Variants in OLA1 observed in about 807,000 individuals in gnomAD.
OLA1 encodes obg-like ATPase 1.
Under a neutral mutation model 48.4 loss-of-function variants are expected in OLA1, and 14 were observed. The ratio of observed to expected loss-of-function variants is 0.29; its 90% confidence interval spans 0.19 to 0.45. The LOEUF is 0.45. OLA1 is among the 20% of genes least tolerant of loss of function. The pLI, the probability that OLA1 is intolerant of heterozygous loss-of-function variation, is 1.00. For synonymous variants in OLA1, 127 were observed against 150.4 expected, an observed-to-expected ratio of 0.84 and a Z score of 1.14; for missense variants, 325 against 467.1, an observed-to-expected ratio of 0.70 and a Z score of 2.80.
At chr2:174,161,681 TAC>T (rs55713860) in intron 4 of OLA1, among the ~76,000 whole-genome samples, 37,615 of 140,882 alleles carry the variant, frequency 0.27, 5,114 homozygotes, top group Non-Finnish European at 0.3. Context: ...AAAAAAAAAA[TAC>T]ACACACACAC....
At chr2:174,228,046 C>T (rs1274267697) in intron 3 of OLA1, among the ~76,000 whole-genome samples, 1 of 152,100 alleles carries the variant, frequency 6.6e-6, no homozygotes, top group Non-Finnish European at 1.5e-5. Context: ...TGAGTTATGG[C>T]AGTCCTAAAG....
intron 2 of OLA1, among the ~76,000 whole-genome samples, chr2:174,229,867 A>G (rs559628724): frequency 5.3e-5 from 8 of 152,208 alleles, no homozygotes; most frequent in Non-Finnish European, 5.9e-5. Context: ...TGACTTTCCA[A>G]AAACTCTGAA....
intron 4 of OLA1, chr2:174,217,958 C>G (rs951068518): frequency 6.6e-6 from 1 of 152,106 alleles, no homozygotes; most frequent in Non-Finnish European, 1.5e-5. Flanking sequence ...TGAAGCTTCA[C>G]CTAGACAGCA....
chr2:174,081,422 C>A (rs1265757545), intron 8 of OLA1, among the ~76,000 whole-genome samples, 174 bp from the exon 9 acceptor site: 1 of 151,912 alleles, frequency 6.6e-6, no homozygotes, highest in Non-Finnish European at 1.5e-5. Context: ...TTTTAAAAAC[C>A]TCTCTTCTAA....
chr2:174,116,389 G>T (rs1200520786), intron 7 of OLA1, among the ~76,000 whole-genome samples: 1 of 152,132 alleles, frequency 6.6e-6, no homozygotes, highest in Non-Finnish European at 1.5e-5. Context: ...GGTCAATTTA[G>T]AATAAAGGAA....
At chr2:174,082,701 C>A (rs937418935) in intron 7 of OLA1, among the ~76,000 whole-genome samples, 2 of 152,050 alleles carry the variant, frequency 1.3e-5, no homozygotes, top group South Asian at 2.1e-4. Flanking sequence ...AATAGAACTG[C>A]AGAGGAAAGA....
rs61737496 is a variant in OLA1, at chr2:174,141,972, G to A, written c.402C>T (p.His134=). The A allele has an allele frequency of 4.9e-3, 7,840 of 1,612,838 alleles. 53 individuals carry two copies. The highest frequency in any genetic ancestry group is 6.9e-3 in the South Asian group (630 of 90,842). The change falls in exon 5 of 11, where the codon CAC becomes CAT. Residue 134 remains histidine, a synonymous_variant. Coordinates refer to ENST00000284719, the MANE Select transcript of OLA1 (RefSeq NM_013341.5). ...GAATAGGATCTACACTTCCTTCAAC[G>A]TGCGTGATATCATCATCTTCAAAAG... The part of the protein sequence containing the change: ...TRAFEDDDIT[H]VEGSVDPIRD...
intron 7 of OLA1, among the ~76,000 whole-genome samples, chr2:174,088,955 A>G (rs1298693181): frequency 6.6e-6 from 1 of 152,342 alleles, no homozygotes; most frequent in Non-Finnish European, 1.5e-5. Flanking sequence ...TCAAGTTTCA[A>G]TGTTCTTGTC....
intron 4 of OLA1, among the ~76,000 whole-genome samples, chr2:174,214,857 C>T (rs889425119): frequency 6.6e-6 from 1 of 152,008 alleles, no homozygotes; most frequent in Non-Finnish European, 1.5e-5. Context: ...CGAGACCAGC[C>T]TGGCCAACAT....
chr2:174,198,253 G>A (rs1343470692), intron 4 of OLA1, among the ~76,000 whole-genome samples: 1 of 152,106 alleles, frequency 6.6e-6, no homozygotes, highest in Non-Finnish European at 1.5e-5. Flanking sequence ...GAGCCACCGT[G>A]CCCAGCCTGC....
intron 7 of OLA1, among the ~76,000 whole-genome samples, chr2:174,107,355 A>G (rs972517286): frequency 1.3e-5 from 2 of 152,140 alleles, no homozygotes; most frequent in Non-Finnish European, 2.9e-5. Flanking sequence ...AGGTACAATT[A>G]CTAAGATAAC....
Position 174,246,739 on chromosome 2 carries a change from C to T in OLA1, c.77G>A (p.Gly26Asp). ...IGRFGTSLKIGIVGLPNVGKS... is the reference protein window; with the variant it reads ...IGRFGTSLKIDIVGLPNVGKS... ...CCCAACATTTGGCAATCCAACAATA[C>T]CAATTTTCAGTGAGGTTCCAAATCT... The change falls in exon 2 of 11, where the codon GGT becomes GAT. Residue 26 changes from glycine to aspartate, a missense_variant. Physicochemically the swap from Gly to Asp is moderately conservative, Grantham distance 94. Transcript: ENST00000284719. 6.2e-7 allele frequency: 1 copy of T among 1,611,144 alleles called. No homozygotes were observed. Among genetic ancestry groups the T allele is most frequent in the East Asian group, 2.2e-5 (1 of 44,858 alleles).
In OLA1 at chr2:174,137,773, C is replaced by A. The variant is rs116023807; in HGVS notation, c.549+4052G>T. On this transcript the variant is annotated intron_variant, in intron 5 of 10. Coordinates refer to ENST00000284719, the MANE Select transcript of OLA1 (RefSeq NM_013341.5). ...CCTCACCTCTCTCAGTTTTCTAACT[C>A]TAGAATTAAAGAGAGTTAGGACCTT... Among the ~76,000 whole-genome samples the A allele has an allele frequency of 8.3e-3, 1,269 of 152,304 alleles. 20 individuals carry two copies. Among genetic ancestry groups the A allele is most frequent in the African/African-American group, 0.029 (1,205 of 41,556 alleles).
chr2:174,172,352 T>C (rs1687327640), intron 4 of OLA1: 1 of 73,022 alleles, frequency 1.4e-5, no homozygotes. Context: ...GCGAAAAGAG[T>C]GCTCCCGAAG....
chr2:174,103,189 GTAT>G (rs553254898), intron 7 of OLA1, among the ~76,000 whole-genome samples: 2,095 of 101,946 alleles, frequency 0.021, 55 homozygotes, highest in African/African-American at 0.067. Context: ...GTGTACATGT[GTAT>G]CATGTGTATT....
At chr2:174,118,499 T>C (rs962010308) in intron 7 of OLA1, among the ~76,000 whole-genome samples, 6 of 152,208 alleles carry the variant, frequency 3.9e-5, no homozygotes, top group South Asian at 4.1e-4. Context: ...TCCTAGAACA[T>C]AGATGTGTGT....
intron 8 of OLA1, among the ~76,000 whole-genome samples, chr2:174,081,695 T>C (rs945149502): frequency 6.6e-6 from 1 of 152,068 alleles, no homozygotes; most frequent in East Asian, 1.9e-4. Context: ...AAAATATACA[T>C]AACTAATACC....
At chr2:174,106,347 C>T (rs1433979351) in intron 7 of OLA1, among the ~76,000 whole-genome samples, 1 of 152,006 alleles carries the variant, frequency 6.6e-6, no homozygotes, top group Non-Finnish European at 1.5e-5. Flanking sequence ...ACGATCATTG[C>T]AAATAATAGT....
At chr2:174,197,775 T>A (rs1362613500) in intron 4 of OLA1, among the ~76,000 whole-genome samples, 1 of 152,232 alleles carries the variant, frequency 6.6e-6, no homozygotes. Context: ...ACAGTCACAT[T>A]AATATAAGCA....
Sources: gnomAD v4.1 joint callset for allele counts (sites outside exome capture counted in the v4.1 genomes callset) on GRCh38, gnomAD v4.1.1 for gene constraint, MANE v1.5 for transcripts, NCBI Gene and HGNC (gene_info 2026-07-23, HGNC 2026-07-21) for gene names.